Variants in TAS2R1 observed in about 807,000 individuals in gnomAD.
TAS2R1 encodes the protein taste receptor type 2 member 1.
For missense variants in TAS2R1, 370 were observed against 353.4 expected (o/e 1.05, Z -0.38); for synonymous variants, 141 against 134.2 (o/e 1.05, Z -0.35).
chr5:9,734,425 T>A, the TAS2R1 span, among the ~76,000 whole-genome samples: 1 of 152,234 alleles, frequency 6.6e-6, no homozygotes, highest in African/African-American at 2.4e-5. Flanking sequence ...TCTAATATCT[T>A]GATTTATTAA....
At chr5:9,668,127 C>A (rs1211469236) in intron 1 of TAS2R1, among the ~76,000 whole-genome samples, 1 of 152,122 alleles carries the variant, frequency 6.6e-6, no homozygotes, top group African/African-American at 2.4e-5. Context: ...CGTAATATAA[C>A]ACAAATATCA....
At chr5:9,704,114 T>C (rs1320812817) in intron 1 of TAS2R1, among the ~76,000 whole-genome samples, 1 of 152,154 alleles carries the variant, frequency 6.6e-6, no homozygotes, top group Non-Finnish European at 1.5e-5. Context: ...GGTGAATAAA[T>C]TCAGGGACAA....
the TAS2R1 span, among the ~76,000 whole-genome samples, chr5:9,886,005 G>A: frequency 6.6e-6 from 1 of 151,632 alleles, no homozygotes; most frequent in Admixed American, 6.6e-5. Flanking sequence ...ACTGTTACAA[G>A]CTTCAAATAT....
the TAS2R1 span, among the ~76,000 whole-genome samples, chr5:9,887,115 A>T: frequency 1.7e-4 from 26 of 152,198 alleles, no homozygotes; most frequent in Non-Finnish European, 3.1e-4. Context: ...GTACCCATTT[A>T]TACTCTATCC....
At chr5:9,898,098 ATATCT>A in the TAS2R1 span, among the ~76,000 whole-genome samples, 95 of 152,218 alleles carry the variant, frequency 6.2e-4, no homozygotes, top group Non-Finnish European at 2.5e-4. Context: ...CTATTAATAC[ATATCT>A]TAGGTTAATT....
At chr5:9,852,842 GAA>G in the TAS2R1 span, among the ~76,000 whole-genome samples, 5 of 126,966 alleles carry the variant, frequency 3.9e-5, no homozygotes, top group East Asian at 4.6e-4. Context: ...CTTCTTGCAG[GAA>G]AAAAAAAAAT....
chr5:9,713,102 G>C (rs911856747), upstream of TAS2R1: 23 of 151,988 alleles, frequency 1.5e-4, no homozygotes, highest in Admixed American at 1.4e-3. Context: ...CGCAGACTGG[G>C]ATATATTTTT....
chr5:9,836,296 G>A, the TAS2R1 span, among the ~76,000 whole-genome samples: 4 of 152,082 alleles, frequency 2.6e-5, no homozygotes, highest in African/African-American at 9.7e-5. Flanking sequence ...GACTAATAAA[G>A]TGTGTTATTT....
the TAS2R1 span, among the ~76,000 whole-genome samples, chr5:9,781,525 A>C: frequency 6.6e-6 from 1 of 152,014 alleles, no homozygotes; most frequent in Non-Finnish European, 1.5e-5. Flanking sequence ...AGACCACACC[A>C]CTTCTCCACT....
the TAS2R1 span, among the ~76,000 whole-genome samples, chr5:9,721,756 TATG>T: frequency 6.6e-6 from 1 of 152,244 alleles, no homozygotes; most frequent in African/African-American, 2.4e-5. Flanking sequence ...GAAAAGCAAA[TATG>T]ATATTATTTG....
chr5:9,633,934 C>T (rs1739922786), upstream of TAS2R1, among the ~76,000 whole-genome samples: 1 of 151,948 alleles, frequency 6.6e-6, no homozygotes, highest in Non-Finnish European at 1.5e-5. Flanking sequence ...TGTGCAGAAA[C>T]TTTTTAGTTT....
At chr5:9,639,114 C>T (rs1369938598) in intron 2 of TAS2R1, among the ~76,000 whole-genome samples, 1 of 152,180 alleles carries the variant, frequency 6.6e-6, no homozygotes, top group Non-Finnish European at 1.5e-5. Flanking sequence ...CCCACTCACA[C>T]CCCAGACTCT....
the TAS2R1 span, among the ~76,000 whole-genome samples, chr5:9,818,863 G>T: frequency 6.6e-6 from 1 of 152,158 alleles, no homozygotes; most frequent in Non-Finnish European, 1.5e-5. Flanking sequence ...CCGCCACACA[G>T]CCCCAACAAC....
the TAS2R1 span, among the ~76,000 whole-genome samples, chr5:9,846,344 G>GTTTCATCCA: frequency 6.6e-6 from 1 of 152,152 alleles, no homozygotes; most frequent in Non-Finnish European, 1.5e-5. Context: ...CGACGACAAT[G>GTTTCATCCA]TTTCATCCAT....
upstream of TAS2R1, among the ~76,000 whole-genome samples, chr5:9,712,681 G>A (rs1415340529): frequency 3.3e-5 from 5 of 152,170 alleles, no homozygotes; most frequent in Admixed American, 6.5e-5. Flanking sequence ...TGTTCAGCAC[G>A]CACATCATGT....
chr5:9,685,331 A>G (rs935511263), intron 1 of TAS2R1, among the ~76,000 whole-genome samples: 4 of 152,204 alleles, frequency 2.6e-5, no homozygotes, highest in Non-Finnish European at 5.9e-5. Flanking sequence ...CCTTGCAAAA[A>G]CACAGAAAAT....
intron 2 of TAS2R1, among the ~76,000 whole-genome samples, chr5:9,646,678 C>T (rs1287927544): frequency 6.6e-6 from 1 of 152,152 alleles, no homozygotes; most frequent in Non-Finnish European, 1.5e-5. Context: ...CTGCCTCTCC[C>T]CTTCAAAGCA....
chr5:9,834,744 T>C, the TAS2R1 span, among the ~76,000 whole-genome samples: 1 of 122,702 alleles, frequency 8.1e-6, no homozygotes, highest in Admixed American at 8.4e-5. Flanking sequence ...GTAAATGTTA[T>C]TACTGCATTA....
chr5:9,764,616 G>A, the TAS2R1 span, among the ~76,000 whole-genome samples: 1 of 152,162 alleles, frequency 6.6e-6, no homozygotes, highest in Non-Finnish European at 1.5e-5. Flanking sequence ...CTTACACATA[G>A]AAGCATATAT....
Sources: allele counts gnomAD v4.1 joint callset (sites outside exome capture counted in the v4.1 genomes callset), GRCh38; gene constraint gnomAD v4.1.1; transcripts MANE v1.5; gene names NCBI Gene and HGNC (gene_info 2026-07-23, HGNC 2026-07-21).